TMEM108: variants seen among roughly 807,000 people sequenced by gnomAD.
TMEM108 encodes transmembrane protein 108, also known as cancer/testis antigen 124.
In TMEM108, 12 loss-of-function variants were observed where a neutral mutation model predicts 35.1. The observed-to-expected ratio is 0.34, with a 90% CI of 0.22 to 0.55. TMEM108 has a LOEUF of 0.55. Ranked by LOEUF, TMEM108 falls within the 20% of genes least tolerant of loss-of-function variation. TMEM108 has a pLI of 0.89. For synonymous variants in TMEM108, 287 were observed against 308.6 expected (o/e 0.93, Z 0.73); for missense variants, 680 against 753.3 (o/e 0.90, Z 1.14).
At chr3:133,217,493 C>A (rs1451106007) in intron 2 of TMEM108, among the ~76,000 whole-genome samples, 1 of 151,934 alleles carries the variant, frequency 6.6e-6, no homozygotes. Flanking sequence ...TCCAAAAAAT[C>A]ATTGACCAAA....
intron 3 of TMEM108, among the ~76,000 whole-genome samples, chr3:133,314,402 G>A (rs60990354): frequency 0.35 from 53,098 of 152,008 alleles, 9,489 homozygotes; most frequent in East Asian, 0.48. Flanking sequence ...CTTCAAAAGC[G>A]CTTTTAGATT....
intron 3 of TMEM108, among the ~76,000 whole-genome samples, chr3:133,312,822 G>C (rs1280860955): frequency 6.6e-6 from 1 of 152,192 alleles, no homozygotes; most frequent in Non-Finnish European, 1.5e-5. Context: ...ATCACGCTGG[G>C]AGCTGCAGAC....
intron 3 of TMEM108, among the ~76,000 whole-genome samples, chr3:133,286,708 G>T (rs1209888696): frequency 6.6e-6 from 1 of 152,076 alleles, no homozygotes; most frequent in African/African-American, 2.4e-5. Context: ...ATGAACCTTG[G>T]GCTACATAGT....
chr3:133,214,917 T>C (rs1945884408), intron 2 of TMEM108, among the ~76,000 whole-genome samples: 1 of 152,134 alleles, frequency 6.6e-6, no homozygotes, highest in South Asian at 2.1e-4. Context: ...TGGGACAGTT[T>C]CATCCCAAAA....
chr3:133,396,025 C>A lies in TMEM108; in HGVS notation c.*39C>A. On this transcript the variant is annotated 3_prime_UTR_variant, in exon 6 of 6. Transcript: ENST00000321871. ...CACTTTGCCATTCCGTATTTTTCGT[C>A]TCTAAATTATAAATATACAAATACA... 6.8e-7 allele frequency: 1 copy of A among 1,466,614 alleles called. No individual in the cohort carries two copies. Among genetic ancestry groups the A allele is most frequent in the Non-Finnish European group, 9.1e-7 (1 of 1,104,352 alleles). The allele number at this position is 1,466,614 out of a possible 1,614,324, so 90.9% of individuals were successfully genotyped here.
chr3:133,296,546 A>AC (rs1203476068), intron 3 of TMEM108, among the ~76,000 whole-genome samples: 24 of 152,280 alleles, frequency 1.6e-4, no homozygotes, highest in East Asian at 9.6e-4. Flanking sequence ...CAAAAAAAAA[A>AC]ACACACACTA....
intron 2 of TMEM108, among the ~76,000 whole-genome samples, chr3:133,139,161 A>T (rs528257717): frequency 6.6e-6 from 1 of 152,280 alleles, no homozygotes; most frequent in African/African-American, 2.4e-5. Flanking sequence ...CCAGTCTATC[A>T]TTGATGGACA....
chr3:133,329,849 A>G (rs1184317732), intron 3 of TMEM108, among the ~76,000 whole-genome samples: 2 of 152,198 alleles, frequency 1.3e-5, no homozygotes, highest in Non-Finnish European at 2.9e-5. Flanking sequence ...TGTGATCTAG[A>G]TTCCCTAAGA....
intron 2 of TMEM108, among the ~76,000 whole-genome samples, chr3:133,219,391 G>T (rs1020335180): frequency 6.6e-6 from 1 of 151,256 alleles, no homozygotes; most frequent in Non-Finnish European, 1.5e-5. Flanking sequence ...TCTAACTTTG[G>T]GCTTAATTTG....
chr3:133,388,421 AG>A (rs2073186530), intron 4 of TMEM108: 1 of 985,326 alleles, frequency 1.0e-6, no homozygotes, highest in Non-Finnish European at 1.2e-6. Flanking sequence ...TTTCAGGCTG[AG>A]CACCACAGCC....
intron 3 of TMEM108, among the ~76,000 whole-genome samples, chr3:133,306,914 A>G (rs568721327): frequency 6.6e-5 from 10 of 152,212 alleles, no homozygotes; most frequent in African/African-American, 2.4e-4. Context: ...GTCAAATGGT[A>G]TTTCTAGTTC....
At chr3:133,172,367 T>C (rs2107791475) in intron 2 of TMEM108, among the ~76,000 whole-genome samples, 1 of 152,340 alleles carries the variant, frequency 6.6e-6, no homozygotes, top group Non-Finnish European at 1.5e-5. Context: ...GGAAAACTGC[T>C]TTGAATCACA....
intron 3 of TMEM108, among the ~76,000 whole-genome samples, chr3:133,234,306 A>G (rs938463794): frequency 2.0e-5 from 3 of 152,190 alleles, no homozygotes; most frequent in African/African-American, 7.2e-5. Context: ...GAATCTCTGA[A>G]TTTTAGACCA....
chr3:133,389,869 A>C (rs2073208397), intron 4 of TMEM108, among the ~76,000 whole-genome samples: 1 of 152,120 alleles, frequency 6.6e-6, no homozygotes, highest in African/African-American at 2.4e-5. Flanking sequence ...TGTCCTTGGA[A>C]CCATGCCTGG....
chr3:133,188,033 C>T (rs1184644083), intron 2 of TMEM108, among the ~76,000 whole-genome samples: 1 of 152,108 alleles, frequency 6.6e-6, no homozygotes, highest in African/African-American at 2.4e-5. Context: ...AGAACCATAG[C>T]TAGTCTTTGC....
At chr3:133,266,989 A>C (rs1946706978) in intron 3 of TMEM108, among the ~76,000 whole-genome samples, 1 of 150,034 alleles carries the variant, frequency 6.7e-6, no homozygotes, top group Non-Finnish European at 1.5e-5. Flanking sequence ...CTGAGGCAGG[A>C]GAATGGCGTG....
intron 2 of TMEM108, among the ~76,000 whole-genome samples, chr3:133,130,067 G>A (rs576100904): frequency 6.7e-5 from 5 of 74,104 alleles, no homozygotes; most frequent in Admixed American, 2.7e-4. Context: ...AGTGGCAAAA[G>A]GTGTGTGAAT....
At chr3:133,104,988 A>T (rs1169494996) in intron 2 of TMEM108, among the ~76,000 whole-genome samples, 1 of 152,212 alleles carries the variant, frequency 6.6e-6, no homozygotes, top group Non-Finnish European at 1.5e-5. Flanking sequence ...ATTGGGAAAG[A>T]AGAGTACTGC....
intron 3 of TMEM108, among the ~76,000 whole-genome samples, chr3:133,230,862 G>A (rs1946142692): frequency 6.6e-6 from 1 of 152,128 alleles, no homozygotes; most frequent in Admixed American, 6.5e-5. Context: ...CTTATATTGA[G>A]CAACTCTGAA....
Sources: gnomAD v4.1 joint callset for allele counts (sites outside exome capture counted in the v4.1 genomes callset) on GRCh38, gnomAD v4.1.1 for gene constraint, MANE v1.5 for transcripts, NCBI Gene and HGNC (gene_info 2026-07-23, HGNC 2026-07-21) for gene names.